EBF4: variants seen among roughly 807,000 people sequenced by gnomAD.
EBF4 encodes the protein transcription factor COE4.
In EBF4, 34 loss-of-function variants were observed where a neutral mutation model predicts 67.1. The ratio of observed to expected loss-of-function variants is 0.51; its 90% confidence interval spans 0.39 to 0.67. The LOEUF (loss-of-function observed/expected upper bound fraction) is 0.67. Ranked by LOEUF, EBF4 falls within the 30% of genes least tolerant of loss-of-function variation. The probability of loss-of-function intolerance (pLI) is 0.00; values close to 1 mark genes in which losing one functional copy is unlikely to be tolerated. For synonymous variants in EBF4, 387 were observed against 377.7 expected (o/e 1.02, Z -0.29); for missense variants, 837 against 873.3 (o/e 0.96, Z 0.52).
At chr20:2,742,729 C>G (rs952552821) in intron 6 of EBF4, among the ~76,000 whole-genome samples, 1 of 152,100 alleles carries the variant, frequency 6.6e-6, no homozygotes, top group Non-Finnish European at 1.5e-5. Context: ...TCAGGAAAAA[C>G]GGGCTTTCCT....
At chr20:2,736,235 A>G (rs1208174345) in intron 6 of EBF4, among the ~76,000 whole-genome samples, 6 of 152,090 alleles carry the variant, frequency 3.9e-5, no homozygotes, top group Non-Finnish European at 8.8e-5. Context: ...CTAGGGATAG[A>G]TAGAAGCTGG....
At chr20:2,737,211 C>G (rs1227964678) in intron 6 of EBF4, among the ~76,000 whole-genome samples, 1 of 147,236 alleles carries the variant, frequency 6.8e-6, no homozygotes, top group South Asian at 2.1e-4. Context: ...GATCGCGCCA[C>G]TGCACTCCAG....
chr20:2,758,039 CAG>C (rs2088272295), intron 15 of EBF4, among the ~76,000 whole-genome samples: 1 of 152,208 alleles, frequency 6.6e-6, no homozygotes, highest in Non-Finnish European at 1.5e-5. Context: ...AACAGGATGA[CAG>C]AGCGGCTTAA....
intron 6 of EBF4, among the ~76,000 whole-genome samples, chr20:2,711,773 A>G (rs2087548087): frequency 6.6e-6 from 1 of 152,250 alleles, no homozygotes; most frequent in South Asian, 2.1e-4. Flanking sequence ...AACTAAATGA[A>G]AAAAATACAT....
rs910347941 is a variant in EBF4 at position 2,696,674 on chromosome 20, A to G, written c.137+2892A>G. Among the ~76,000 whole-genome samples the G allele has an allele frequency of 6.6e-6, 1 of 152,024 alleles. No homozygotes were observed. Among genetic ancestry groups the G allele is most frequent in the African/African-American group, 2.4e-5 (1 of 41,376 alleles). ...GCGCCTCCAGTAAGTGCTATGGTCT[A>G]TTGAAACAATCCCTCTGCCCTCAGC... is the stretch of plus-strand genomic sequence containing the variant. On this transcript the variant is annotated intron_variant, in intron 1 of 16. Coordinates refer to ENST00000609451, the Ensembl canonical transcript of EBF4. The surrounding 1 kb of genome is among the most constrained non-coding windows in gnomAD (Gnocchi z 4.7).
intron 6 of EBF4, among the ~76,000 whole-genome samples, chr20:2,730,327 A>G (rs901363337): frequency 6.6e-6 from 1 of 151,832 alleles, no homozygotes; most frequent in Non-Finnish European, 1.5e-5. Context: ...TGGCGGCATC[A>G]CTCCAATCCC....
At chr20:2,695,665 C>G (rs758194681) in intron 1 of EBF4, among the ~76,000 whole-genome samples, 1 of 152,218 alleles carries the variant, frequency 6.6e-6, no homozygotes, top group Non-Finnish European at 1.5e-5. Flanking sequence ...CCACTCTTCC[C>G]CGTGTTGTCT....
intron 6 of EBF4, among the ~76,000 whole-genome samples, chr20:2,717,813 C>CT (rs796712582): frequency 0.056 from 7,946 of 140,664 alleles, 655 homozygotes; most frequent in African/African-American, 0.18. Flanking sequence ...AGTGGGCATT[C>CT]TTTTTTTTTT....
intron 6 of EBF4, among the ~76,000 whole-genome samples, chr20:2,730,587 C>T (rs183627657): frequency 1.2e-3 from 177 of 152,270 alleles, no homozygotes; most frequent in African/African-American, 3.5e-3. Flanking sequence ...GCAACAATGA[C>T]GTCCCCTATA....
Position 2,755,653 on chromosome 20 carries a change from G to T in EBF4, c.1567G>T (p.Ala523Ser). The T allele has an allele frequency of 6.5e-7, 1 of 1,546,056 alleles. No individual in the cohort carries two copies. ...CATGCCCTCTAGCCCCCCGCTGGCG[G>T]CTGCCTCCTCCATGTCCCTCCCGGC... The change falls in exon 15 of 17, where the codon GCT (alanine) becomes TCT (serine). Residue 523 changes from alanine to serine, a missense_variant. Coordinates refer to ENST00000609451, the Ensembl canonical transcript of EBF4. This position sits in a 1 kb window ranked among gnomAD's most constrained non-coding sequence, Gnocchi z 4.7.
intron 6 of EBF4, among the ~76,000 whole-genome samples, chr20:2,720,179 C>T (rs1283127081): frequency 3.9e-5 from 6 of 152,162 alleles, no homozygotes; most frequent in Non-Finnish European, 1.5e-5. Flanking sequence ...TCCCTGCAAC[C>T]TCCGCCTCCC....
intron 6 of EBF4, among the ~76,000 whole-genome samples, chr20:2,721,478 G>A (rs2087680132): frequency 6.6e-6 from 1 of 150,958 alleles, no homozygotes; most frequent in African/African-American, 2.4e-5. Flanking sequence ...TTTTTTAGAT[G>A]GAGTCTCGCT....
chr20:2,720,391 C>T (rs965262528), intron 6 of EBF4, among the ~76,000 whole-genome samples: 18 of 152,126 alleles, frequency 1.2e-4, no homozygotes, highest in Admixed American at 7.2e-4. Flanking sequence ...CCACCGCCCC[C>T]GGCCCATTCT....
rs116069324 is a variant in EBF4, at chr20:2,707,233, C to T, written c.415-714C>T. ...GTGCCTAGTGGAACTGTCAAGGGGA[C>T]GGGTGTGGAAGGGGTTCGAGGAAGT... is the stretch of plus-strand genomic sequence containing the variant. On this transcript the variant is annotated intron_variant, in intron 4 of 16. Coordinates refer to ENST00000609451, the Ensembl canonical transcript of EBF4. The surrounding 1 kb of genome is among the most constrained non-coding windows in gnomAD (Gnocchi z 4.6). Among the ~76,000 whole-genome samples the T allele has an allele frequency of 8.2e-3, 1,251 of 151,988 alleles. 16 individuals carry two copies. The highest frequency in any genetic ancestry group is 0.028 in the African/African-American group (1,170 of 41,446).
chr20:2,737,945 A>G (rs934113938), intron 6 of EBF4, among the ~76,000 whole-genome samples: 2 of 150,360 alleles, frequency 1.3e-5, no homozygotes, highest in African/African-American at 4.9e-5. Context: ...AGCCTGGGCA[A>G]CAGAGCGAGA....
rs2088084546 is a variant in EBF4, at chr20:2,748,367, G to C, written c.558-182G>C. On this transcript the variant is annotated intron_variant, in intron 6 of 16. Transcript: ENST00000609451. ...GCGAAGTTGTCATTGTGATGGGTCT[G>C]TCTGGTGTGTATCAGGCACCCTGGT... Among the ~76,000 whole-genome samples the C allele has an allele frequency of 2.6e-5, 4 of 152,138 alleles. No individual in the cohort carries two copies. In the South Asian group the frequency reaches 8.3e-4, roughly 31 times the overall value.
intron 1 of EBF4, among the ~76,000 whole-genome samples, chr20:2,703,574 G>A (rs765026967): frequency 2.0e-5 from 3 of 152,130 alleles, no homozygotes; most frequent in Non-Finnish European, 2.9e-5. Context: ...CTGAGGCAGC[G>A]GGATCATTTG....
Position 2,755,941 on chromosome 20 carries a change from C to T in EBF4, c.1738+117C>T, listed in dbSNP as rs2088237213. 2 of 1,068,468 alleles carry T rather than the reference C, an allele frequency of 1.9e-6. No homozygotes were observed. Among genetic ancestry groups the T allele is most frequent in the East Asian group, 2.6e-5 (1 of 38,118 alleles). The allele number at this position is 1,068,468 out of a possible 1,614,324, so 66.2% of individuals were successfully genotyped here. On this transcript the variant is annotated intron_variant, in intron 15 of 16. Coordinates refer to ENST00000609451, the Ensembl canonical transcript of EBF4. The surrounding 1 kb of genome is among the most constrained non-coding windows in gnomAD (Gnocchi z 4.7). ...AGTGCCTCATGCTGGCTAACCTGCT[C>T]TTCTTGGAGGACGGAGAGCAGGGAG...
rs1484200333 is a variant in EBF4, at chr20:2,707,755, C to T, written c.415-192C>T. ...CAGACTTCATACCATTCTTGCCAGC[C>T]GGTGGTGGTCCGGTTTGGGAGGAGG... On this transcript the variant is annotated intron_variant, in intron 4 of 16. Transcript: ENST00000609451. The surrounding 1 kb of genome is among the most constrained non-coding windows in gnomAD (Gnocchi z 4.6). Among the ~76,000 whole-genome samples, 1 of 152,146 alleles carries T rather than the reference C, an allele frequency of 6.6e-6. No individual in the cohort carries two copies. The highest frequency in any genetic ancestry group is 1.5e-5 in the Non-Finnish European group (1 of 68,012).
Sources: allele counts gnomAD v4.1 joint callset (sites outside exome capture counted in the v4.1 genomes callset), GRCh38; gene constraint gnomAD v4.1.1; non-coding constraint Gnocchi (gnomAD v3.1); transcripts MANE v1.5; gene names NCBI Gene and HGNC (gene_info 2026-07-23, HGNC 2026-07-21).